Variants in CNTN1 observed in about 807,000 individuals in gnomAD.
CNTN1 encodes the protein contactin 1.
CNTN1 carries 38 observed loss-of-function variants against 126.4 expected under a neutral mutation model. The observed-to-expected ratio is 0.30, with a 90% CI of 0.23 to 0.39. The LOEUF (loss-of-function observed/expected upper bound fraction) is 0.39. Ranked by LOEUF, CNTN1 falls within the 10% of genes least tolerant of loss-of-function variation. The pLI, the probability that CNTN1 is intolerant of heterozygous loss-of-function variation, is 1.00. For missense variants in CNTN1, 1,009 were observed against 1,248.4 expected, an observed-to-expected ratio of 0.81 and a Z score of 2.89; for synonymous variants, 413 against 422.6, an observed-to-expected ratio of 0.98 and a Z score of 0.28.
At chr12:41,024,273 T>C (rs1358217691) in intron 20 of CNTN1, among the ~76,000 whole-genome samples, 2 of 152,194 alleles carry the variant, frequency 1.3e-5, no homozygotes, top group Non-Finnish European at 2.9e-5. Flanking sequence ...CGTTATTTTA[T>C]AGACAGGGCA....
intron 1 of CNTN1, among the ~76,000 whole-genome samples, chr12:40,774,209 A>G (rs974161080): frequency 5.3e-5 from 8 of 150,798 alleles, no homozygotes; most frequent in African/African-American, 1.9e-4. Flanking sequence ...TGAAGACTAC[A>G]TTTTTTTTTG....
At chr12:41,028,923 TA>T in intron 22 of CNTN1, 139 bp from the exon 23 acceptor site, 1 of 849,494 alleles carries the variant, frequency 1.2e-6, no homozygotes, top group East Asian at 2.7e-5. Flanking sequence ...CATCTAGTTT[TA>T]AATTTAGTTT....
chr12:40,912,535 AT>A (rs1465911731), intron 3 of CNTN1, among the ~76,000 whole-genome samples: 1 of 152,084 alleles, frequency 6.6e-6, no homozygotes, highest in East Asian at 1.9e-4. Flanking sequence ...TAGCAGTATA[AT>A]ATATATTTTG....
At chr12:40,941,154 T>C (rs1489175227) in intron 12 of CNTN1, among the ~76,000 whole-genome samples, 1 of 152,214 alleles carries the variant, frequency 6.6e-6, no homozygotes, top group Non-Finnish European at 1.5e-5. Context: ...TTTGATTGTG[T>C]TCTGATATTT....
chr12:40,984,213 T>C (rs186266146), intron 16 of CNTN1, among the ~76,000 whole-genome samples: 40 of 152,040 alleles, frequency 2.6e-4, no homozygotes, highest in South Asian at 2.1e-3. Context: ...CCAATATGTT[T>C]ATATTATCCT....
chr12:40,863,196 T>C (rs758480758), intron 1 of CNTN1, among the ~76,000 whole-genome samples: 4 of 152,174 alleles, frequency 2.6e-5, no homozygotes, highest in Non-Finnish European at 5.9e-5. Context: ...TGTTCAATGC[T>C]GGACTGTTAG....
intron 1 of CNTN1, among the ~76,000 whole-genome samples, chr12:40,743,125 A>G (rs1938020105): frequency 6.6e-6 from 1 of 152,040 alleles, no homozygotes; most frequent in African/African-American, 2.4e-5. Context: ...TCTAGGGAGA[A>G]TAATTGGGAC....
At chr12:40,847,558 A>G (rs1250551077) in intron 1 of CNTN1, among the ~76,000 whole-genome samples, 1 of 152,172 alleles carries the variant, frequency 6.6e-6, no homozygotes, top group African/African-American at 2.4e-5. Context: ...AATTTGTGTT[A>G]CTTTCAAATG....
At position 40,936,762 on chromosome 12, in the gene CNTN1, A is replaced by G. The variant is rs1477256349; in HGVS notation, c.986-19A>G. 2 of 1,612,294 alleles carry G rather than the reference A, an allele frequency of 1.2e-6. No homozygotes were observed. The highest frequency in any genetic ancestry group is 2.2e-5 in the East Asian group (1 of 44,826). ...CTTGAGCCCTTCATTTAACATTTAC[A>G]ATGTTCCTTACTTTTTAGCATTCCC... On this transcript the variant is annotated intron_variant, in intron 9 of 23. Coordinates refer to ENST00000551295, the MANE Select transcript of CNTN1 (RefSeq NM_001843.4).
intron 1 of CNTN1, among the ~76,000 whole-genome samples, chr12:40,863,696 C>T (rs569130926): frequency 6.6e-6 from 1 of 152,200 alleles, no homozygotes; most frequent in East Asian, 1.9e-4. Context: ...AGCTGGAACC[C>T]TATTATAAAC....
At chr12:41,016,255 A>G (rs1196948395) in intron 18 of CNTN1, among the ~76,000 whole-genome samples, 1 of 152,220 alleles carries the variant, frequency 6.6e-6, no homozygotes. Context: ...TAAACTGTAT[A>G]GACTTTGTTA....
At chr12:40,839,022 A>C (rs577494877) in intron 1 of CNTN1, among the ~76,000 whole-genome samples, 110 of 152,356 alleles carry the variant, frequency 7.2e-4, no homozygotes, top group Admixed American at 1.4e-3. Context: ...CAAAGAAATC[A>C]GAAAAAACAA....
chr12:41,050,320 G>A (rs1592462615), intron 23 of CNTN1, among the ~76,000 whole-genome samples: 1 of 152,152 alleles, frequency 6.6e-6, no homozygotes. Context: ...AAGAAAAGAG[G>A]TTTAATTGAC....
At chr12:40,922,535 A>C in intron 5 of CNTN1, 107 bp downstream of exon 5, 1 of 994,688 alleles carries the variant, frequency 1.0e-6, no homozygotes, top group Admixed American at 1.9e-5. Flanking sequence ...GATGAGGTGG[A>C]TCTTACAAGA....
chr12:40,784,350 T>G (rs1939923086), intron 1 of CNTN1, among the ~76,000 whole-genome samples: 1 of 151,970 alleles, frequency 6.6e-6, no homozygotes, highest in Non-Finnish European at 1.5e-5. Context: ...AGAAATTGAG[T>G]GGAAAAGCTT....
At chr12:41,043,661 A>G (rs909572724) in intron 23 of CNTN1, among the ~76,000 whole-genome samples, 1 of 152,186 alleles carries the variant, frequency 6.6e-6, no homozygotes, top group Non-Finnish European at 1.5e-5. Context: ...ATATACCCAA[A>G]GGACTTTAAA....
chr12:40,855,217 A>G (rs1242386444), intron 1 of CNTN1, among the ~76,000 whole-genome samples: 1 of 152,154 alleles, frequency 6.6e-6, no homozygotes, highest in Admixed American at 6.6e-5. Context: ...GTAAAATTGT[A>G]TATCATCTCA....
In CNTN1 at chr12:41,007,044, G is replaced by GTTTTTTTT. The variant is rs1377932314; in HGVS notation, c.2114-7184_2114-7183insTTTTTTTT. 3.2e-5 allele frequency among the ~76,000 whole-genome samples: 4 copies of GTTTTTTTT among 123,488 alleles called. 1 individual carries two copies. Among genetic ancestry groups the GTTTTTTTT allele is most frequent in the African/African-American group, 1.2e-4 (4 of 32,170 alleles). 81.0% of individuals were successfully genotyped at this position (123,488 alleles called of 152,430 possible). ...TTGGCAGTTAAAAGCAGTTTTGTGT[G>GTTTTTTTT]GTTTTTTTTTTTTTTTTTTTTTTTT... On this transcript the variant is annotated intron_variant, in intron 17 of 23. Coordinates refer to ENST00000551295, the MANE Select transcript of CNTN1 (RefSeq NM_001843.4).
chr12:41,023,083 A>T (rs554703592), intron 20 of CNTN1, among the ~76,000 whole-genome samples: 2 of 152,258 alleles, frequency 1.3e-5, no homozygotes, highest in Admixed American at 6.5e-5. Flanking sequence ...TTAAAATATG[A>T]TGGGAGAAGC....
Sources: gnomAD v4.1 joint callset for allele counts (sites outside exome capture counted in the v4.1 genomes callset) on GRCh38, gnomAD v4.1.1 for gene constraint, MANE v1.5 for transcripts, NCBI Gene and HGNC (gene_info 2026-07-23, HGNC 2026-07-21) for gene names.